The following MATN4 variants were observed in gnomAD, a reference collection of about 807,000 sequenced individuals.
MATN4 encodes matrilin 4, also known as matrilin-4.
In MATN4, 40 loss-of-function variants were observed where a neutral mutation model predicts 54.6. The ratio of observed to expected loss-of-function variants is 0.73; its 90% CI spans 0.57 to 0.95. The LOEUF (loss-of-function observed/expected upper bound fraction) is 0.95, where lower values mean the gene tolerates loss of function less well. Ranked by LOEUF, MATN4 falls within the 40% of genes least tolerant of loss-of-function variation. The pLI, the probability that MATN4 is intolerant of heterozygous loss-of-function variation, is 0.00. For missense variants in MATN4, 810 were observed against 819.1 expected (o/e 0.99, Z 0.13); for synonymous variants, 351 against 345.3 (o/e 1.02, Z -0.18).
At chr20:45,303,097 A>AAAG (rs1568877743) in intron 3 of MATN4, among the ~76,000 whole-genome samples, 1 of 147,448 alleles carries the variant, frequency 6.8e-6, no homozygotes, top group Non-Finnish European at 1.5e-5. Context: ...AAAAAAAAAA[A>AAAG]AAAAAAAGAG....
At chr20:45,305,907 G>A (rs796589691) in intron 1 of MATN4, among the ~76,000 whole-genome samples, 1 of 142,606 alleles carries the variant, frequency 7.0e-6, no homozygotes, top group Non-Finnish European at 1.5e-5. Context: ...AGGTTCAAGC[G>A]ATTCTCCGGC....
Position 45,293,909 on chromosome 20 carries a change from G to T in MATN4, c.1686C>A (p.Asn562Lys). ...CGCGCCACCAGCCCCAAAGGATATG[G>T]TTCAGCGTCAGGCTCTCGAGCGCCC... ...TLGALESLTL[N>K]LAQLTARLED... The change falls in exon 9 of 10, where the codon AAC becomes AAA. Residue 562 changes from asparagine to lysine, a missense_variant and splice_region_variant. By Grantham distance (94) the Asn-to-Lys change is moderately conservative. Coordinates refer to ENST00000372756, the MANE Select transcript of MATN4 (RefSeq NM_001393530.1). The T allele has an allele frequency of 6.2e-7, 1 of 1,604,246 alleles. No homozygotes were observed.
At chr20:45,303,491 C>G in intron 3 of MATN4, 2 of 715,476 alleles carry the variant, frequency 2.8e-6, no homozygotes, top group Non-Finnish European at 5.2e-6. Context: ...CCATGTCCCC[C>G]CTCAGCACAC....
rs773157023 is a variant in MATN4, at chr20:45,293,907, T to C, written c.1687+1A>G. 1 of 1,603,930 alleles carries C rather than the reference T, an allele frequency of 6.2e-7. No homozygotes were observed. Among genetic ancestry groups the C allele is most frequent in the South Asian group, 1.1e-5 (1 of 90,672 alleles). ...CCCGCGCCACCAGCCCCAAAGGATA[T>C]GGTTCAGCGTCAGGCTCTCGAGCGC... On this transcript the variant is annotated splice_donor_variant, in intron 9 of 9. Coordinates refer to ENST00000372756, the MANE Select transcript of MATN4 (RefSeq NM_001393530.1). LOFTEE classifies it high-confidence loss of function.
chr20:45,304,357 C>T lies in MATN4; in HGVS notation c.514G>A (p.Gly172Arg). The T allele has an allele frequency of 6.6e-7, 1 of 1,505,386 alleles. No individual in the cohort carries two copies. The highest frequency in any genetic ancestry group is 1.3e-5 in the South Asian group (1 of 74,614). 93.3% of individuals were successfully genotyped at this position (1,505,386 alleles called of 1,614,324 possible). The part of the protein sequence containing the change: ...RARGIEIYAV[G>R]VQRADVGSLR... ...GAGCCCACGTCCGCGCGCTGCACCC[C>T]CACCGCGTAAATTTCAATGCCGCGG... is the stretch of plus-strand genomic sequence containing the variant. Residue 172 changes from glycine (G) to arginine (R), a missense_variant, in exon 3 of 10, where the codon GGG becomes AGG. Physicochemically the swap from Gly to Arg is moderately radical, Grantham distance 125. Transcript: ENST00000372756.
In MATN4 at chr20:45,304,756, T is replaced by G. The variant is rs1986474538; in HGVS notation, c.115A>C (p.Ile39Leu). Reference protein sequence around the residue: ...HTGPLDLVFVIDSSRSVRPFE... With the variant: ...HTGPLDLVFVLDSSRSVRPFE... ...GGGCGCACGCTGCGGGAGCTGTCAATCACGAACACCAGATCCAGGGGCCCA... is the reference window on the plus strand; with the variant it reads ...GGGCGCACGCTGCGGGAGCTGTCAAGCACGAACACCAGATCCAGGGGCCCA... Residue 39 changes from isoleucine to leucine, a missense_variant, in exon 3 of 10, where the codon ATT (isoleucine) becomes CTT (leucine). Coordinates refer to ENST00000372756, the MANE Select transcript of MATN4 (RefSeq NM_001393530.1). The G allele has an allele frequency of 1.9e-6, 3 of 1,598,410 alleles. No homozygotes were observed. The East Asian group carries it at 6.8e-5, about 36-fold the overall frequency.
Position 45,298,652 on chromosome 20 carries a change from GTCGTTCATTCGCAAACATTTATTATATA to G in MATN4, c.1013-97_1013-70del. The G allele has an allele frequency of 7.8e-7, 1 of 1,288,498 alleles. No individual in the cohort carries two copies. Among genetic ancestry groups the G allele is most frequent in the Non-Finnish European group, 1.1e-6 (1 of 934,822 alleles). The allele number at this position is 1,288,498 out of a possible 1,614,324, so 79.8% of individuals were successfully genotyped here. A position where few individuals can be genotyped will look rare whatever the true frequency, so the allele number is the denominator to read the frequency against. ...CTGGCAGCAGCTGTCTATCCATCTA[GTCGTTCATTCGCAAACATTTATTATATA>G]ACAGACAACATTTCCTGAGTCCTTC... On this transcript the variant is annotated intron_variant, in intron 6 of 9. Transcript: ENST00000372756. This position sits in a 1 kb window ranked among gnomAD's most constrained non-coding sequence, Gnocchi z 4.6.
Position 45,293,666 on chromosome 20 carries a change from G to A in MATN4, c.*101C>T. 1.7e-6 allele frequency: 2 copies of A among 1,150,296 alleles called. No individual in the cohort carries two copies. The highest frequency in any genetic ancestry group is 2.4e-6 in the Non-Finnish European group (2 of 847,586). The allele number at this position is 1,150,296 out of a possible 1,614,324, so 71.3% of individuals were successfully genotyped here. ...CGCCTCCGCCCCGACAGCCCAAGCCGGACGGGCCCAGGTTCTGCCTGGCCC... is the reference window on the plus strand; with the variant it reads ...CGCCTCCGCCCCGACAGCCCAAGCCAGACGGGCCCAGGTTCTGCCTGGCCC... On this transcript the variant is annotated 3_prime_UTR_variant, in exon 10 of 10. Coordinates refer to ENST00000372756, the MANE Select transcript of MATN4 (RefSeq NM_001393530.1).
chr20:45,293,731 CCG>C lies in MATN4; in HGVS notation c.*34_*35del. ...CGCGCAAGGGGCACCGTCCGTGGTG[CCG>C]CGCCCCAGCCCGGGTCTGGGCCGTC... On this transcript the variant is annotated 3_prime_UTR_variant, in exon 10 of 10. Transcript: ENST00000372756. 2 of 1,565,778 alleles carry C rather than the reference CCG, an allele frequency of 1.3e-6. No individual in the cohort carries two copies. Among genetic ancestry groups the C allele is most frequent in the Non-Finnish European group, 1.7e-6 (2 of 1,159,790 alleles).
chr20:45,297,083 C>T (rs1029468703), intron 8 of MATN4, among the ~76,000 whole-genome samples: 4 of 151,704 alleles, frequency 2.6e-5, no homozygotes, highest in Non-Finnish European at 4.4e-5. Flanking sequence ...CCAGCCGCCT[C>T]GGCCTCCCAG....
In MATN4 at chr20:45,301,024, A is replaced by T; in HGVS notation, c.890-15T>A. On this transcript the variant is annotated splice_polypyrimidine_tract_variant and intron_variant, in intron 5 of 9. Coordinates refer to ENST00000372756, the MANE Select transcript of MATN4 (RefSeq NM_001393530.1). ...AAGGTCCCGGACTGAAAGGAGAGAC[A>T]GGTCAGGATGAGTCAGGATGGACCC... 1 of 1,614,150 alleles carries T rather than the reference A, an allele frequency of 6.2e-7. No homozygotes were observed. Among genetic ancestry groups the T allele is most frequent in the Non-Finnish European group, 8.5e-7 (1 of 1,180,004 alleles).
At chr20:45,300,068 A>G (rs918555656) in intron 6 of MATN4, among the ~76,000 whole-genome samples, 4 of 151,946 alleles carry the variant, frequency 2.6e-5, no homozygotes, top group African/African-American at 7.3e-5. Context: ...TTTAGACACC[A>G]TATCTGCTGG....
intron 2 of MATN4, 130 bp from the exon 3 acceptor site, chr20:45,304,927 C>G (rs1986491801): frequency 6.8e-6 from 4 of 585,768 alleles, no homozygotes; most frequent in Non-Finnish European, 1.2e-5. Flanking sequence ...GCAGATTAGA[C>G]AGATGCACTC....
Position 45,301,323 on chromosome 20 carries a change from C to T in MATN4, c.764G>A (p.Arg255Lys). 1.2e-6 allele frequency: 2 copies of T among 1,614,158 alleles called. No homozygotes were observed. The highest frequency in any genetic ancestry group is 1.1e-5 in the South Asian group (1 of 91,086). Residue 255 changes from arginine (R) to lysine (K), a missense_variant and splice_region_variant, in exon 4 of 10, where the codon AGG becomes AAG. Coordinates refer to ENST00000372756, the MANE Select transcript of MATN4 (RefSeq NM_001393530.1). The part of the protein sequence containing the change: ...FVLQQDQRSC[R>K]AIDYCSFGNH... ...GGGAGGGTGGGGGTGTTGCTCACCCCTGCAGCTCCTCTGGTCCTGCTGGAG... is the reference window on the plus strand; with the variant it reads ...GGGAGGGTGGGGGTGTTGCTCACCCTTGCAGCTCCTCTGGTCCTGCTGGAG...
At chr20:45,296,294 GAAA>G (rs1234401097) in intron 8 of MATN4, among the ~76,000 whole-genome samples, 1 of 144,188 alleles carries the variant, frequency 6.9e-6, no homozygotes, top group Non-Finnish European at 1.5e-5. Context: ...AGTACCTTAG[GAAA>G]AAAAAGAAAA....
chr20:45,293,571 C>T lies in MATN4; in HGVS notation c.*196G>A. On this transcript the variant is annotated 3_prime_UTR_variant, in exon 10 of 10. Transcript: ENST00000372756. ...TGCCCCTTCCCTCACCACCCGCTAT[C>T]CCCCTGACGCCGCAGTCCGCCTAAT... 1 of 544,136 alleles carries T rather than the reference C, an allele frequency of 1.8e-6. No homozygotes were observed. The highest frequency in any genetic ancestry group is 3.2e-6 in the Non-Finnish European group (1 of 314,380). The allele number at this position is 544,136 out of a possible 1,614,324, so 33.7% of individuals were successfully genotyped here.
rs1300235517 is a variant in MATN4 at position 45,298,013 on chromosome 20, A to C, written c.1484T>G (p.Ile495Ser). Residue 495 changes from isoleucine to serine, a missense_variant, in exon 8 of 10, where the codon ATC becomes AGC. Transcript: ENST00000372756. The surrounding 1 kb of genome is among the most constrained non-coding windows in gnomAD (Gnocchi z 4.6). ...GKAVEAELRE[I>S]ASEPAELHVS... ...GTGCAGTTCCGCTGGCTCCGAGGCG[A>C]TCTCGCGCAGCTCCGCCTCCACCGC... 1 of 1,613,834 alleles carries C rather than the reference A, an allele frequency of 6.2e-7. No homozygotes were observed. Among genetic ancestry groups the C allele is most frequent in the Non-Finnish European group, 8.5e-7 (1 of 1,179,980 alleles).
Position 45,301,492 on chromosome 20 carries a change from T to C in MATN4, c.644-49A>G, listed in dbSNP as rs892477971. On this transcript the variant is annotated intron_variant, in intron 3 of 9. Transcript: ENST00000372756. ...TATGCCCAGGACTGCCCTTCTCAGC[T>C]CTGGTAGCACAACCACCTAAGGAAA... 6.3e-6 allele frequency: 10 copies of C among 1,582,998 alleles called. No homozygotes were observed. The Admixed American group carries it at 1.3e-4, about 20-fold the overall frequency.
chr20:45,305,441 G>A (rs750097979), intron 2 of MATN4, 69 bp downstream of exon 2: 13 of 1,238,874 alleles, frequency 1.0e-5, no homozygotes, highest in Non-Finnish European at 1.5e-5. Flanking sequence ...AGCAGGAGGA[G>A]CTGGCTGCAG....
Sources: gnomAD v4.1 joint callset for allele counts (sites outside exome capture counted in the v4.1 genomes callset) on GRCh38, gnomAD v4.1.1 for gene constraint, Gnocchi (gnomAD v3.1) non-coding constraint, MANE v1.5 for transcripts, NCBI Gene and HGNC (gene_info 2026-07-23, HGNC 2026-07-21) for gene names.